The following C12orf75 variants were observed in gnomAD, a reference collection of about 807,000 sequenced individuals.
C12orf75 encodes the protein overexpressed in colon carcinoma 1 protein.
C12orf75 carries 4 observed loss-of-function variants against 11.4 expected under a neutral mutation model. The ratio of observed to expected loss-of-function variants is 0.35; its 90% CI spans 0.17 to 0.80. The LOEUF is 0.80. Among genes scored for constraint, C12orf75 ranks in the 30% least tolerant of loss-of-function variants. C12orf75 has a pLI of 0.52. For synonymous variants in C12orf75, 30 were observed against 30.0 expected, an observed-to-expected ratio of 1.00 and a Z score of 0.00; for missense variants, 89 against 80.4, an observed-to-expected ratio of 1.11 and a Z score of -0.41.
chr12:105,366,523 A>C (rs1871477056), intron 3 of C12orf75, 94 bp from the exon 4 acceptor site: 1 of 518,554 alleles, frequency 1.9e-6, no homozygotes, highest in Non-Finnish European at 3.4e-6. Context: ...GAGTTATTTT[A>C]ATAATTATAT....
intron 4 of C12orf75, 24 bp from the exon 5 acceptor site, chr12:105,367,448 A>G (rs1266503758): frequency 2.0e-5 from 16 of 785,660 alleles, no homozygotes; most frequent in Non-Finnish European, 3.2e-5. Flanking sequence ...TGAACATTTA[A>G]CTTTTCTTAA....
At chr12:105,330,986 G>A in intron 1 of C12orf75, 49 bp downstream of exon 1, 2 of 1,111,592 alleles carry the variant, frequency 1.8e-6, no homozygotes, top group African/African-American at 1.6e-5. Flanking sequence ...GGGAGAGGCG[G>A]CGGGAAGGAA....
rs867598649 is a variant in C12orf75 at position 105,348,423 on chromosome 12, A to C, written c.47-179A>C. Reference sequence around the variant, plus strand: ...AAGTGAGACTGTATCTGAAACAAAAAAAAAAAAAAAAAAAGATTTGAATTT... The same window carrying C: ...AAGTGAGACTGTATCTGAAACAAAACAAAAAAAAAAAAAAGATTTGAATTT... On this transcript the variant is annotated intron_variant, in intron 1 of 5. Coordinates refer to ENST00000443585, the MANE Select transcript of C12orf75 (RefSeq NM_001145199.2). 6.7e-3 allele frequency among the ~76,000 whole-genome samples: 1,017 copies of C among 151,582 alleles called. 7 individuals are homozygous for C. Among genetic ancestry groups the C allele is most frequent in the Middle Eastern group, 0.017 (5 of 292 alleles).
intron 2 of C12orf75, among the ~76,000 whole-genome samples, chr12:105,352,387 C>T (rs775468177): frequency 4.6e-5 from 7 of 151,896 alleles, no homozygotes; most frequent in Non-Finnish European, 1.0e-4. Flanking sequence ...ATGTTGGTGG[C>T]TTTAAGAGGA....
chr12:105,368,480 C>T (rs775280010), intron 5 of C12orf75, among the ~76,000 whole-genome samples: 9 of 152,180 alleles, frequency 5.9e-5, no homozygotes, highest in African/African-American at 1.4e-4. Flanking sequence ...GGAGCCAATA[C>T]TTAGACTGAA....
chr12:105,347,758 G>A (rs1209606242), intron 1 of C12orf75, among the ~76,000 whole-genome samples: 2 of 152,190 alleles, frequency 1.3e-5, no homozygotes, highest in Non-Finnish European at 2.9e-5. Flanking sequence ...TCAAGTAGAC[G>A]CTCAGTATTA....
chr12:105,357,807 TGAGAGAGA>T (rs1296757750), intron 2 of C12orf75, among the ~76,000 whole-genome samples: 17 of 122,874 alleles, frequency 1.4e-4, no homozygotes, highest in Admixed American at 2.5e-4. Context: ...TGTGTGTGTG[TGAGAGAGA>T]GAGAGAGAGA....
Position 105,362,380 on chromosome 12 carries a change from G to A in C12orf75, c.72-3427G>A, listed in dbSNP as rs1254022135. On this transcript the variant is annotated intron_variant, in intron 2 of 5. Transcript: ENST00000443585. ...AGCCTGGGCGACAGAGCGAGACTCC[G>A]TCTCAAAAAAAAAAAAAAAAAAAAA... Among the ~76,000 whole-genome samples the A allele has an allele frequency of 4.6e-4, 27 of 59,054 alleles. 3 individuals are homozygous for A. The South Asian group carries it at 0.019, about 41-fold the overall frequency. The allele number at this position is 59,054 out of a possible 152,430, so 38.7% of individuals were successfully genotyped here.
intron 1 of C12orf75, among the ~76,000 whole-genome samples, chr12:105,331,296 C>T (rs1234421770): frequency 6.6e-6 from 1 of 152,068 alleles, no homozygotes; most frequent in Non-Finnish European, 1.5e-5. Flanking sequence ...CCCACACTTG[C>T]TCCTCCAGGC....
intron 2 of C12orf75, among the ~76,000 whole-genome samples, chr12:105,354,304 T>G (rs1034281450): frequency 6.6e-6 from 1 of 152,204 alleles, no homozygotes; most frequent in African/African-American, 2.4e-5. Context: ...CTGTGCAGGG[T>G]GATCATCTTC....
chr12:105,369,631 C>T (rs543990325), intron 5 of C12orf75, among the ~76,000 whole-genome samples: 5 of 152,232 alleles, frequency 3.3e-5, no homozygotes, highest in South Asian at 4.2e-4. Context: ...CTGAACAGGC[C>T]CCGCTGTGTG....
intron 5 of C12orf75, among the ~76,000 whole-genome samples, 158 bp downstream of exon 5, chr12:105,367,667 G>A (rs1489723398): frequency 1.3e-5 from 2 of 152,154 alleles, no homozygotes; most frequent in Admixed American, 6.5e-5. Context: ...TTATTGCATA[G>A]AGGTGAATAA....
chr12:105,347,720 GA>G (rs1242678425), intron 1 of C12orf75, among the ~76,000 whole-genome samples: 2 of 152,164 alleles, frequency 1.3e-5, no homozygotes. Context: ...ACACAGCCAG[GA>G]ATAATACTTT....
At chr12:105,337,666 A>G (rs929124919) in intron 1 of C12orf75, among the ~76,000 whole-genome samples, 2 of 152,256 alleles carry the variant, frequency 1.3e-5, no homozygotes, top group African/African-American at 4.8e-5. Context: ...GTTTCACAAT[A>G]CTGATGTTAT....
At chr12:105,370,300 G>T (rs1352558438) in intron 5 of C12orf75, among the ~76,000 whole-genome samples, 1 of 152,130 alleles carries the variant, frequency 6.6e-6, no homozygotes, top group African/African-American at 2.4e-5. Flanking sequence ...TGGACCAAGT[G>T]GGGAAGGGAT....
chr12:105,366,085 C>A (rs1250125011), intron 3 of C12orf75: 9 of 502,430 alleles, frequency 1.8e-5, no homozygotes, highest in South Asian at 1.5e-4. Flanking sequence ...ATCCTATGAC[C>A]TTTGGGTGTG....
chr12:105,348,655 A>G, intron 2 of C12orf75, 29 bp downstream of exon 2: 1 of 1,499,162 alleles, frequency 6.7e-7, no homozygotes. Context: ...TGATTTTATA[A>G]GCTGTCTTTC....
At chr12:105,346,365 C>G (rs1435231212) in intron 1 of C12orf75, among the ~76,000 whole-genome samples, 1 of 152,200 alleles carries the variant, frequency 6.6e-6, no homozygotes, top group Non-Finnish European at 1.5e-5. Flanking sequence ...TGAGACCTAT[C>G]TCAATACTTT....
chr12:105,359,132 A>G (rs1248088661), intron 2 of C12orf75, among the ~76,000 whole-genome samples: 1 of 151,946 alleles, frequency 6.6e-6, no homozygotes, highest in Non-Finnish European at 1.5e-5. Context: ...CCAACGTTTG[A>G]CTCCATGGTT....
Sources: allele counts gnomAD v4.1 joint callset (sites outside exome capture counted in the v4.1 genomes callset), GRCh38; gene constraint gnomAD v4.1.1; transcripts MANE v1.5; gene names NCBI Gene and HGNC (gene_info 2026-07-23, HGNC 2026-07-21).